Variants in PHLPP2 observed in about 807,000 individuals in gnomAD.
PHLPP2 encodes PH domain and leucine rich repeat protein phosphatase 2, also known as PH domain leucine-rich repeat-containing protein phosphatase 2.
In PHLPP2, 66 loss-of-function variants were observed where a neutral mutation model predicts 124.9. The observed-to-expected ratio is 0.53, with a 90% CI of 0.43 to 0.65. PHLPP2 has a LOEUF of 0.65. Among genes scored for constraint, PHLPP2 ranks in the 30% least tolerant of loss-of-function variants. The pLI, the probability that PHLPP2 is intolerant of heterozygous loss-of-function variation, is 0.00. For synonymous variants in PHLPP2, 681 were observed against 624.7 expected, an observed-to-expected ratio of 1.09 and a Z score of -1.34; for missense variants, 1,685 against 1,600.4, an observed-to-expected ratio of 1.05 and a Z score of -0.90.
intron 3 of PHLPP2, among the ~76,000 whole-genome samples, chr16:71,691,328 G>A (rs1428594174): frequency 6.6e-6 from 1 of 152,032 alleles, no homozygotes; most frequent in Non-Finnish European, 1.5e-5. Context: ...GGGCATGGTG[G>A]CGGACACCTA....
chr16:71,693,541 C>T (rs1311481385), intron 3 of PHLPP2, among the ~76,000 whole-genome samples: 3 of 152,200 alleles, frequency 2.0e-5, no homozygotes, highest in Non-Finnish European at 4.4e-5. Flanking sequence ...TATCAATTCA[C>T]ACCTGAATCA....
At chr16:71,681,712 G>A (rs1567620171) in intron 6 of PHLPP2, 39 bp downstream of exon 6, 5 of 1,539,622 alleles carry the variant, frequency 3.2e-6, no homozygotes, top group Non-Finnish European at 1.8e-6. Flanking sequence ...TTATGAGTTG[G>A]TTTTAACAGG....
intron 3 of PHLPP2, among the ~76,000 whole-genome samples, chr16:71,695,886 A>C (rs2045165032): frequency 2.0e-5 from 3 of 152,172 alleles, no homozygotes; most frequent in Admixed American, 1.3e-4. Context: ...AAAATAATCA[A>C]GTTGGAAAAT....
intron 14 of PHLPP2, 52 bp from the exon 15 acceptor site, chr16:71,658,415 T>C (rs956528642): frequency 6.5e-7 from 1 of 1,532,494 alleles, no homozygotes; most frequent in Non-Finnish European, 8.9e-7. Context: ...GACTTAGTTC[T>C]TTACTCCCAA....
At chr16:71,656,218 C>G (rs1339915934) in intron 16 of PHLPP2, among the ~76,000 whole-genome samples, 1 of 152,106 alleles carries the variant, frequency 6.6e-6, no homozygotes, top group African/African-American at 2.4e-5. Context: ...GGAAGAGGAT[C>G]ATACTAGACT....
intron 2 of PHLPP2, among the ~76,000 whole-genome samples, chr16:71,709,633 C>T (rs1430069869): frequency 6.6e-6 from 1 of 152,070 alleles, no homozygotes; most frequent in Non-Finnish European, 1.5e-5. Context: ...AAAAGACAAG[C>T]CAAATATTTT....
rs1163093067 is a variant in PHLPP2 at position 71,649,837 on chromosome 16, CT to C, written c.3024del (p.Ala1009LeufsTer8). On this transcript the variant is annotated frameshift_variant, in exon 19 of 19. Coordinates refer to ENST00000568954, the MANE Select transcript of PHLPP2 (RefSeq NM_015020.3). LOFTEE classifies it high-confidence loss of function. ...NAVRHVQDPL[A>X]AAKKLCTLAQ... ...GCTAATGTGCACAGCTTCTTAGCAGCTGCTAATGGGTCTTGTACGTGACGTA... is the reference window on the plus strand; with the variant it reads ...GCTAATGTGCACAGCTTCTTAGCAGCGCTAATGGGTCTTGTACGTGACGTA... The C allele has an allele frequency of 6.2e-7, 1 of 1,614,202 alleles. No individual in the cohort carries two copies. Among genetic ancestry groups the C allele is most frequent in the Admixed American group, 1.7e-5 (1 of 60,036 alleles).
intron 3 of PHLPP2, among the ~76,000 whole-genome samples, chr16:71,696,986 C>T (rs936911556): frequency 3.3e-5 from 5 of 151,920 alleles, no homozygotes; most frequent in Non-Finnish European, 5.9e-5. Context: ...ACCTGGCCAA[C>T]ATGGTGAAAC....
At chr16:71,671,345 T>C (rs2044891213) in intron 10 of PHLPP2, among the ~76,000 whole-genome samples, 1 of 152,082 alleles carries the variant, frequency 6.6e-6, no homozygotes, top group African/African-American at 2.4e-5. Context: ...TCACTCAGTC[T>C]TCACAACAAC....
At chr16:71,692,325 T>C (rs537999508) in intron 3 of PHLPP2, among the ~76,000 whole-genome samples, 2 of 152,270 alleles carry the variant, frequency 1.3e-5, no homozygotes, top group Non-Finnish European at 2.9e-5. Flanking sequence ...TGCCTCGGCC[T>C]CCCAAAGTGC....
At chr16:71,660,367 T>C (rs1305075580) in intron 13 of PHLPP2, among the ~76,000 whole-genome samples, 5 of 126,488 alleles carry the variant, frequency 4.0e-5, no homozygotes, top group African/African-American at 1.5e-4. Context: ...CACAAGACCT[T>C]GTCTCAAAAA....
intron 4 of PHLPP2, among the ~76,000 whole-genome samples, chr16:71,685,930 C>T (rs1210025848): frequency 2.0e-5 from 3 of 152,120 alleles, no homozygotes; most frequent in Non-Finnish European, 4.4e-5. Flanking sequence ...TTCCTTTTAT[C>T]ATTTTGTAAT....
chr16:71,688,683 C>G, intron 4 of PHLPP2, among the ~76,000 whole-genome samples: 1 of 125,550 alleles, frequency 8.0e-6, no homozygotes, highest in South Asian at 2.5e-4. Context: ...GGTTCATTTT[C>G]TCTCTCACCC....
rs147597347 is a variant in PHLPP2, at chr16:71,679,619, A to G, written c.891-84T>C. 614 of 1,125,222 alleles carry G rather than the reference A, an allele frequency of 5.5e-4. 4 individuals are homozygous for G. In the African/African-American group the frequency reaches 8.2e-3, roughly 15 times the overall value. The allele number at this position is 1,125,222 out of a possible 1,614,324, so 69.7% of individuals were successfully genotyped here. On this transcript the variant is annotated intron_variant, in intron 6 of 18. Coordinates refer to ENST00000568954, the MANE Select transcript of PHLPP2 (RefSeq NM_015020.3). ...ACAAGGGACATCAACGGCCTTTGAT[A>G]TCTATTTTAAATGTCTATAATAGAA...
At position 71,649,698 on chromosome 16, in the gene PHLPP2, A is replaced by T; in HGVS notation, c.3164T>A (p.Phe1055Tyr). 4 of 1,614,168 alleles carry T rather than the reference A, an allele frequency of 2.5e-6. No individual in the cohort carries two copies. In the South Asian group the frequency reaches 4.4e-5, roughly 18 times the overall value. ...NGLTLPGPVG[F>Y]ASTTTIKDAP... The stretch of plus-strand genomic sequence containing the variant: ...ATCCTTGATAGTGGTGGTTGAAGCA[A>T]ATCCCACAGGACCTGGGAGGGTGAG... The change falls in exon 19 of 19, where the codon TTT becomes TAT. Residue 1055 changes from phenylalanine to tyrosine, a missense_variant. Phe to Tyr is a conservative substitution (Grantham distance 22, BLOSUM62 3). Transcript: ENST00000568954.
chr16:71,723,846 G>A, intron 1 of PHLPP2: 2 of 1,224,386 alleles, frequency 1.6e-6, no homozygotes, highest in Admixed American at 4.5e-5. Flanking sequence ...GGGCCCGCGG[G>A]CCCCGGCTCC....
intron 4 of PHLPP2, among the ~76,000 whole-genome samples, chr16:71,687,533 T>C (rs1410679919): frequency 6.6e-6 from 1 of 152,210 alleles, no homozygotes; most frequent in African/African-American, 2.4e-5. Flanking sequence ...TTCGGATTTA[T>C]TACTATCACT....
At chr16:71,672,903 T>C (rs2145329635) in intron 9 of PHLPP2, among the ~76,000 whole-genome samples, 1 of 152,378 alleles carries the variant, frequency 6.6e-6, no homozygotes, top group East Asian at 1.9e-4. Flanking sequence ...TGTAAACATA[T>C]GCATGCAGTA....
Position 71,718,370 on chromosome 16 carries a change from G to A in PHLPP2, c.-6-3569C>T, listed in dbSNP as rs186077100. 4.3e-3 allele frequency among the ~76,000 whole-genome samples: 660 copies of A among 152,154 alleles called. 11 individuals carry two copies. The highest frequency in any genetic ancestry group is 0.015 in the African/African-American group (640 of 41,514). On this transcript the variant is annotated intron_variant, in intron 1 of 18. Coordinates refer to ENST00000568954, the MANE Select transcript of PHLPP2 (RefSeq NM_015020.3). ...CAAGGCAGGCGGATCACAAGGTCAG[G>A]AGTTCGAGACCAGCCTGGCCAACAT...
Sources: allele counts gnomAD v4.1 joint callset (sites outside exome capture counted in the v4.1 genomes callset), GRCh38; gene constraint gnomAD v4.1.1; transcripts MANE v1.5; gene names NCBI Gene and HGNC (gene_info 2026-07-23, HGNC 2026-07-21).